FGGY: variants seen among roughly 807,000 people sequenced by gnomAD.
FGGY encodes FGGY carbohydrate kinase domain-containing protein.
A neutral mutation model predicts 71.3 loss-of-function variants in FGGY; 72 were observed. That is an observed-to-expected ratio of 1.01 (90% CI 0.84 to 1.23). The LOEUF (loss-of-function observed/expected upper bound fraction) is 1.23, where lower values mean the gene tolerates loss of function less well. FGGY is among the 50% of genes most tolerant of loss of function. The probability of loss-of-function intolerance (pLI) is 0.00; values close to 1 mark genes in which losing one functional copy is unlikely to be tolerated. For missense variants in FGGY, 668 were observed against 682.3 expected (o/e 0.98, Z 0.23); for synonymous variants, 251 against 250.3 (o/e 1.00, Z -0.02).
rs2091765420 is a variant in FGGY at position 59,456,963 on chromosome 1, C to G, written c.557C>G (p.Ser186Cys). The change falls in exon 6 of 16, where the codon TCT (serine) becomes TGT (cysteine). Residue 186 changes from serine to cysteine, a missense_variant and splice_region_variant. Ser to Cys is a moderately radical substitution (Grantham distance 112, BLOSUM62 -1). This residue lies in a region of FGGY where 661 missense variants were observed against 661.6 expected (regional missense o/e 1.00). Coordinates refer to ENST00000303721, the MANE Select transcript of FGGY (RefSeq NM_018291.5). ...CTATATCTCTTCTATTTTCTTAGGT[C>G]TCTCTGCTCCCTGGTGTGTAAGTGG... ...SWKATGVTAR[S>C]LCSLVCKWTY... 2 of 1,610,638 alleles carry G rather than the reference C, an allele frequency of 1.2e-6. No individual in the cohort carries two copies. Among genetic ancestry groups the G allele is most frequent in the South Asian group, 2.2e-5 (2 of 91,000 alleles).
At chr1:59,380,806 A>G (rs994662932) in intron 5 of FGGY, among the ~76,000 whole-genome samples, 32 of 151,424 alleles carry the variant, frequency 2.1e-4, no homozygotes, top group Non-Finnish European at 4.4e-4. Context: ...ATGAGATCCC[A>G]TTTGTCAATT....
intron 14 of FGGY, among the ~76,000 whole-genome samples, chr1:59,717,212 C>T (rs557958781): frequency 2.0e-5 from 3 of 152,096 alleles, no homozygotes; most frequent in African/African-American, 2.4e-5. Context: ...TGTGTTGTTA[C>T]GTTCTTCCTT....
At chr1:59,314,504 A>G (rs895989111) in intron 1 of FGGY, among the ~76,000 whole-genome samples, 5 of 152,158 alleles carry the variant, frequency 3.3e-5, no homozygotes, top group Non-Finnish European at 7.4e-5. Flanking sequence ...TCTTCACAAC[A>G]ATCCCTTGGA....
intron 6 of FGGY, among the ~76,000 whole-genome samples, chr1:59,471,718 G>C (rs61642874): frequency 6.6e-6 from 1 of 152,208 alleles, no homozygotes; most frequent in Admixed American, 6.5e-5. Context: ...GCTGGGCTAA[G>C]TCCTAGGGAT....
chr1:59,481,066 A>G (rs1381388987), intron 6 of FGGY, among the ~76,000 whole-genome samples: 1 of 109,304 alleles, frequency 9.1e-6, no homozygotes, highest in African/African-American at 4.1e-5. Flanking sequence ...TATACAATTT[A>G]TAAGTAATAG....
chr1:59,529,546 G>A (rs1029661599), intron 7 of FGGY, among the ~76,000 whole-genome samples: 3 of 152,208 alleles, frequency 2.0e-5, no homozygotes, highest in African/African-American at 7.2e-5. Flanking sequence ...AGATGAGGTC[G>A]TGGAATGGTA....
chr1:59,534,622 C>T (rs1351006750), intron 7 of FGGY, among the ~76,000 whole-genome samples: 1 of 152,184 alleles, frequency 6.6e-6, no homozygotes, highest in Non-Finnish European at 1.5e-5. Context: ...ATCAGACTAA[C>T]AGCGGATCTC....
chr1:59,606,928 G>A (rs2096629392), intron 8 of FGGY, among the ~76,000 whole-genome samples: 1 of 152,106 alleles, frequency 6.6e-6, no homozygotes, highest in Non-Finnish European at 1.5e-5. Context: ...GGAGCTTCTT[G>A]AAAGTAAGAA....
intron 5 of FGGY, among the ~76,000 whole-genome samples, chr1:59,422,078 C>T (rs893736249): frequency 6.6e-6 from 1 of 152,168 alleles, no homozygotes; most frequent in African/African-American, 2.4e-5. Flanking sequence ...AAACTAGCCT[C>T]AGAAAGTAAG....
At chr1:59,556,988 G>A (rs552892960) in intron 8 of FGGY, among the ~76,000 whole-genome samples, 1 of 152,142 alleles carries the variant, frequency 6.6e-6, no homozygotes, top group African/African-American at 2.4e-5. Context: ...GGGACCCTCT[G>A]GGCCAAGGGG....
At chr1:59,598,486 T>A (rs1410474538) in intron 8 of FGGY, among the ~76,000 whole-genome samples, 1 of 152,190 alleles carries the variant, frequency 6.6e-6, no homozygotes, top group Non-Finnish European at 1.5e-5. Context: ...TTCAGGATAT[T>A]GCAGGCAACA....
chr1:59,492,975 C>T (rs111348795), intron 6 of FGGY, among the ~76,000 whole-genome samples: 2 of 152,028 alleles, frequency 1.3e-5, no homozygotes, highest in African/African-American at 2.4e-5. Flanking sequence ...TACTTTTTAA[C>T]TTTCATGATT....
chr1:59,575,046 C>T (rs918143227), intron 8 of FGGY, among the ~76,000 whole-genome samples: 1 of 152,126 alleles, frequency 6.6e-6, no homozygotes, highest in African/African-American at 2.4e-5. Flanking sequence ...TTTTGATATA[C>T]TATATATTGT....
chr1:59,574,893 TC>T (rs1360840813), intron 8 of FGGY, among the ~76,000 whole-genome samples: 1 of 152,178 alleles, frequency 6.6e-6, no homozygotes, highest in East Asian at 1.9e-4. Flanking sequence ...TATACTAAAA[TC>T]AGTGCTAGTT....
intron 8 of FGGY, among the ~76,000 whole-genome samples, chr1:59,559,717 T>C (rs2095754827): frequency 6.6e-6 from 1 of 152,070 alleles, no homozygotes; most frequent in Non-Finnish European, 1.5e-5. Flanking sequence ...TAGGAAGTTC[T>C]CAACAAAAAA....
At chr1:59,699,364 T>C in intron 14 of FGGY, 1 of 985,386 alleles carries the variant, frequency 1.0e-6, no homozygotes, top group Non-Finnish European at 1.2e-6. Flanking sequence ...TTATTGAAAG[T>C]GTTTCATATT....
chr1:59,346,452 A>G, intron 4 of FGGY, 54 bp downstream of exon 4: 2 of 1,590,362 alleles, frequency 1.3e-6, no homozygotes, highest in Non-Finnish European at 1.7e-6. Context: ...GATTCCTGTT[A>G]CTGTGGACCT....
chr1:59,703,288 A>T (rs1038407645), intron 14 of FGGY, among the ~76,000 whole-genome samples: 1 of 152,184 alleles, frequency 6.6e-6, no homozygotes, highest in African/African-American at 2.4e-5. Flanking sequence ...GGTTTTGTCC[A>T]GTGCTATTTA....
chr1:59,436,808 A>G (rs1214567283), intron 5 of FGGY, among the ~76,000 whole-genome samples: 1 of 152,170 alleles, frequency 6.6e-6, no homozygotes, highest in African/African-American at 2.4e-5. Flanking sequence ...ACAGGAAGGG[A>G]AAGTACTTTG....
Sources: gnomAD v4.1 joint callset for allele counts (sites outside exome capture counted in the v4.1 genomes callset) on GRCh38, gnomAD v4.1.1 for gene constraint, gnomAD v4.1.1 regional missense constraint, MANE v1.5 for transcripts, NCBI Gene and HGNC (gene_info 2026-07-23, HGNC 2026-07-21) for gene names.